The following PTPRD variants were observed in gnomAD, a reference collection of about 807,000 sequenced individuals.
PTPRD encodes receptor-type tyrosine-protein phosphatase delta.
In PTPRD, 34 loss-of-function variants were observed where a neutral mutation model predicts 214.5. The observed-to-expected ratio is 0.16, with a 90% CI of 0.12 to 0.21. PTPRD has a LOEUF of 0.21. Among genes scored for constraint, PTPRD ranks in the 10% least tolerant of loss-of-function variants. The pLI, the probability that PTPRD is intolerant of heterozygous loss-of-function variation, is 1.00. For missense variants in PTPRD, 2,545 were observed against 2,398.7 expected (o/e 1.06, Z -1.27); for synonymous variants, 1,128 against 845.7 (o/e 1.33, Z -5.79).
intron 11 of PTPRD, among the ~76,000 whole-genome samples, chr9:8,812,773 A>G (rs972120080): frequency 6.6e-6 from 1 of 151,944 alleles, no homozygotes; most frequent in African/African-American, 2.4e-5. Context: ...TTTTTTTTTA[A>G]AGACAGTAAT....
chr9:9,336,930 T>C (rs2044743092), intron 9 of PTPRD, among the ~76,000 whole-genome samples: 1 of 152,204 alleles, frequency 6.6e-6, no homozygotes, highest in African/African-American at 2.4e-5. Flanking sequence ...ACAGAATATA[T>C]ATAACAGCTG....
intron 7 of PTPRD, among the ~76,000 whole-genome samples, chr9:9,695,363 G>C (rs2097353930): frequency 6.6e-6 from 1 of 152,116 alleles, no homozygotes; most frequent in Non-Finnish European, 1.5e-5. Flanking sequence ...TAAGCAGAAG[G>C]AGAGAATCAC....
At chr9:9,826,169 T>C (rs1010107139) in intron 5 of PTPRD, among the ~76,000 whole-genome samples, 1 of 151,754 alleles carries the variant, frequency 6.6e-6, no homozygotes, top group African/African-American at 2.4e-5. Flanking sequence ...TTCTACACTT[T>C]TCTTTTTACT....
At chr9:8,680,151 T>C (rs1003513110) in intron 12 of PTPRD, among the ~76,000 whole-genome samples, 1 of 152,060 alleles carries the variant, frequency 6.6e-6, no homozygotes, top group Non-Finnish European at 1.5e-5. Flanking sequence ...ATTTAAAATC[T>C]ATTTAATTAA....
chr9:9,704,688 C>CAT (rs2154417090), intron 7 of PTPRD, among the ~76,000 whole-genome samples: 1 of 152,212 alleles, frequency 6.6e-6, no homozygotes, highest in African/African-American at 2.4e-5. Flanking sequence ...ATCCCTGATC[C>CAT]ATCAGGAAAA....
chr9:9,625,194 G>A (rs1340126490), intron 7 of PTPRD, among the ~76,000 whole-genome samples: 1 of 152,148 alleles, frequency 6.6e-6, no homozygotes, highest in Non-Finnish European at 1.5e-5. Flanking sequence ...TCCTTCTAAA[G>A]TTGGAGGTAT....
intron 33 of PTPRD, among the ~76,000 whole-genome samples, chr9:8,457,946 G>T (rs964586781): frequency 1.3e-5 from 2 of 152,132 alleles, no homozygotes; most frequent in Non-Finnish European, 2.9e-5. Context: ...GGGTACAGAA[G>T]ATTTCCTTTT....
intron 10 of PTPRD, among the ~76,000 whole-genome samples, chr9:9,104,269 A>T (rs1464579125): frequency 6.6e-6 from 1 of 152,176 alleles, no homozygotes; most frequent in Non-Finnish European, 1.5e-5. Context: ...TGGGCAAAAA[A>T]ATTCAAAATT....
chr9:9,266,497 G>T (rs915557947), intron 9 of PTPRD, among the ~76,000 whole-genome samples: 1 of 150,808 alleles, frequency 6.6e-6, no homozygotes, highest in African/African-American at 2.4e-5. Flanking sequence ...ACATTTATTA[G>T]GTCACAAAAT....
chr9:9,273,992 T>C (rs185497212), intron 9 of PTPRD, among the ~76,000 whole-genome samples: 1 of 151,420 alleles, frequency 6.6e-6, no homozygotes, highest in East Asian at 2.0e-4. Context: ...CCTTACATCC[T>C]GCCACATCCT....
At chr9:10,013,685 G>A (rs935989824) in intron 4 of PTPRD, among the ~76,000 whole-genome samples, 1 of 151,870 alleles carries the variant, frequency 6.6e-6, no homozygotes, top group African/African-American at 2.4e-5. Context: ...ATACTTCACT[G>A]AGTTTTTAAT....
intron 12 of PTPRD, among the ~76,000 whole-genome samples, chr9:8,677,883 G>GA (rs913465950): frequency 6.6e-6 from 1 of 152,108 alleles, no homozygotes; most frequent in African/African-American, 2.4e-5. Flanking sequence ...TGAATCAGAG[G>GA]AAGGGGAAAG....
At chr9:8,877,996 A>G (rs2098408883) in intron 11 of PTPRD, among the ~76,000 whole-genome samples, 1 of 152,198 alleles carries the variant, frequency 6.6e-6, no homozygotes, top group South Asian at 2.1e-4. Context: ...GGCTGTTGAC[A>G]ATCCTAGTCT....
chr9:10,547,588 T>C (rs748607966), intron 2 of PTPRD, among the ~76,000 whole-genome samples: 14 of 152,040 alleles, frequency 9.2e-5, no homozygotes, highest in African/African-American at 2.9e-4. Context: ...ATATGAATAA[T>C]ATATTTATAG....
intron 7 of PTPRD, among the ~76,000 whole-genome samples, chr9:9,721,900 T>C (rs879656266): frequency 2.0e-5 from 3 of 152,064 alleles, no homozygotes; most frequent in Non-Finnish European, 4.4e-5. Flanking sequence ...TCTGAGTTCT[T>C]ACATAAGAAT....
At position 9,293,549 on chromosome 9, in the gene PTPRD, A is replaced by G. The variant is rs902811222; in HGVS notation, c.-203+103900T>C. Among the ~76,000 whole-genome samples, 3 of 151,558 alleles carry G rather than the reference A, an allele frequency of 2.0e-5. No homozygotes were observed. In the South Asian group the frequency reaches 6.2e-4, roughly 31 times the overall value. On this transcript the variant is annotated intron_variant, in intron 9 of 45. Transcript: ENST00000381196. ...TGACTAATGCTATTAGAAACCACAT[A>G]TGAAAGTTGAATGTGTTCATTGCTA...
At chr9:9,076,828 A>G (rs1225389295) in intron 10 of PTPRD, among the ~76,000 whole-genome samples, 2 of 143,850 alleles carry the variant, frequency 1.4e-5, no homozygotes, top group Non-Finnish European at 3.0e-5. Flanking sequence ...TAGCTGTGGG[A>G]TTGCTGGAAC....
chr9:8,317,713 C>T lies in PTPRD; in HGVS notation c.*161G>A. Reference sequence around the variant, plus strand: ...ATTAAACTGTGAATTCTTGGTCCACCTGGAATAATTTGTTTTTAATTTGTT... The same window carrying T: ...ATTAAACTGTGAATTCTTGGTCCACTTGGAATAATTTGTTTTTAATTTGTT... On this transcript the variant is annotated 3_prime_UTR_variant, in exon 46 of 46. Coordinates refer to ENST00000381196, the MANE Select transcript of PTPRD (RefSeq NM_002839.4). 1 of 554,480 alleles carries T rather than the reference C, an allele frequency of 1.8e-6. No individual in the cohort carries two copies. Among genetic ancestry groups the T allele is most frequent in the South Asian group, 3.1e-5 (1 of 31,982 alleles). 34.3% of individuals were successfully genotyped at this position (554,480 alleles called of 1,614,324 possible).
chr9:8,832,742 G>A (rs1202176642), intron 11 of PTPRD, among the ~76,000 whole-genome samples: 1 of 151,848 alleles, frequency 6.6e-6, no homozygotes, highest in African/African-American at 2.4e-5. Context: ...ATTTCTGAAG[G>A]AGGCTGGATA....
Sources: gnomAD v4.1 joint callset for allele counts (sites outside exome capture counted in the v4.1 genomes callset) on GRCh38, gnomAD v4.1.1 for gene constraint, MANE v1.5 for transcripts, NCBI Gene and HGNC (gene_info 2026-07-23, HGNC 2026-07-21) for gene names.